Variants in PCSK2 observed in about 807,000 individuals in gnomAD.
The protein encoded by PCSK2 is proprotein convertase subtilisin/kexin type 2, also known as neuroendocrine convertase 2.
A neutral mutation model predicts 69.7 loss-of-function variants in PCSK2; 14 were observed. The observed-to-expected ratio is 0.20, with a 90% CI of 0.13 to 0.31. The LOEUF (loss-of-function observed/expected upper bound fraction) is 0.31. PCSK2 is among the 10% of genes least tolerant of loss of function. The probability of loss-of-function intolerance (pLI) is 1.00; values close to 1 mark genes in which losing one functional copy is unlikely to be tolerated. For missense variants in PCSK2, 544 were observed against 842.5 expected, an observed-to-expected ratio of 0.65 and a Z score of 4.39; for synonymous variants, 307 against 320.7, an observed-to-expected ratio of 0.96 and a Z score of 0.46.
At chr20:17,399,902 G>A (rs2031596633) in intron 5 of PCSK2, among the ~76,000 whole-genome samples, 1 of 152,098 alleles carries the variant, frequency 6.6e-6, no homozygotes, top group Non-Finnish European at 1.5e-5. Flanking sequence ...ATTTCTATAA[G>A]GAACAACATA....
intron 5 of PCSK2, among the ~76,000 whole-genome samples, chr20:17,377,360 T>G (rs1449751962): frequency 6.6e-6 from 1 of 152,204 alleles, no homozygotes; most frequent in Non-Finnish European, 1.5e-5. Context: ...GGTGACTGTC[T>G]CTGAAGTGGG....
chr20:17,227,330 T>G lies in PCSK2; in HGVS notation c.25T>G (p.Trp9Gly), dbSNP rs751380207. Residue 9 changes from tryptophan to glycine, a missense_variant, in exon 1 of 12, where the codon TGG becomes GGG. Physicochemically the swap from Trp to Gly is radical, Grantham distance 184 (BLOSUM62 -2). This residue lies in a region of PCSK2 where 157 missense variants were observed against 155.0 expected (regional missense o/e 1.01). Transcript: ENST00000262545. MKGGCVSQ[W>G]KAAAGFLFCV... ...GATGAAGGGTGGTTGTGTCTCCCAG[T>G]GGAAGGCGGCCGCCGGGTTCCTCTT... 6.2e-7 allele frequency: 1 copy of G among 1,613,926 alleles called. No homozygotes were observed. Among genetic ancestry groups the G allele is most frequent in the Non-Finnish European group, 8.5e-7 (1 of 1,179,990 alleles).
At chr20:17,250,784 A>G (rs1986947126) in intron 1 of PCSK2, among the ~76,000 whole-genome samples, 1 of 152,028 alleles carries the variant, frequency 6.6e-6, no homozygotes, top group East Asian at 1.9e-4. Flanking sequence ...ACAACTCCAA[A>G]TTTTCTTTCT....
chr20:17,479,704 C>T (rs970804883), intron 11 of PCSK2, among the ~76,000 whole-genome samples: 3 of 146,892 alleles, frequency 2.0e-5, no homozygotes, highest in African/African-American at 7.5e-5. Context: ...GAGGCTGAGG[C>T]AGGAATGGCG....
intron 2 of PCSK2, among the ~76,000 whole-genome samples, chr20:17,351,340 C>A (rs2029978487): frequency 6.6e-6 from 1 of 152,196 alleles, no homozygotes; most frequent in Non-Finnish European, 1.5e-5. Flanking sequence ...TCCTCTCTAA[C>A]TTATTCTACA....
intron 5 of PCSK2, among the ~76,000 whole-genome samples, chr20:17,386,328 A>G (rs2031232354): frequency 6.6e-6 from 1 of 152,250 alleles, no homozygotes; most frequent in Admixed American, 6.5e-5. Context: ...GCCAAGAAGT[A>G]TAAGCAACCC....
intron 7 of PCSK2, among the ~76,000 whole-genome samples, chr20:17,435,584 G>A (rs1200155526): frequency 6.6e-6 from 1 of 152,176 alleles, no homozygotes; most frequent in African/African-American, 2.4e-5. Flanking sequence ...GTGAAATAGT[G>A]TCCTTCAGGC....
intron 11 of PCSK2, among the ~76,000 whole-genome samples, chr20:17,476,596 A>G (rs1364932793): frequency 1.3e-5 from 2 of 152,212 alleles, no homozygotes; most frequent in African/African-American, 2.4e-5. Context: ...CGTTATATAT[A>G]TGTGCATATA....
intron 2 of PCSK2, among the ~76,000 whole-genome samples, chr20:17,332,523 A>T (rs2123154060): frequency 6.6e-6 from 1 of 152,312 alleles, no homozygotes; most frequent in South Asian, 2.1e-4. Context: ...CATCAAGCAC[A>T]GCTTTCTCTA....
chr20:17,242,800 G>T (rs1336582065), intron 1 of PCSK2, among the ~76,000 whole-genome samples: 1 of 152,220 alleles, frequency 6.6e-6, no homozygotes, highest in Non-Finnish European at 1.5e-5. Context: ...TGCATGAAAA[G>T]CATCTGTTTA....
intron 11 of PCSK2, among the ~76,000 whole-genome samples, chr20:17,466,483 C>T (rs1391896493): frequency 6.6e-6 from 1 of 152,102 alleles, no homozygotes; most frequent in Non-Finnish European, 1.5e-5. Flanking sequence ...TGGATTTTGC[C>T]ACTTGGAGGG....
chr20:17,318,439 T>G (rs1004737643), intron 2 of PCSK2, among the ~76,000 whole-genome samples: 2 of 152,188 alleles, frequency 1.3e-5, no homozygotes, highest in African/African-American at 4.8e-5. Context: ...AAAATGATGT[T>G]TTTCATCATT....
intron 2 of PCSK2, among the ~76,000 whole-genome samples, chr20:17,294,012 C>T (rs943033845): frequency 6.6e-6 from 1 of 150,450 alleles, no homozygotes; most frequent in African/African-American, 2.4e-5. Context: ...TTTCGTTAGT[C>T]ATTTTTGGTA....
intron 5 of PCSK2, among the ~76,000 whole-genome samples, chr20:17,372,428 T>A (rs181839930): frequency 3.5e-5 from 5 of 142,790 alleles, no homozygotes; most frequent in South Asian, 2.2e-4. Flanking sequence ...AATAAATAAA[T>A]AAAAATAAAA....
chr20:17,275,084 C>CATATATATATATATATATATATAT (rs11474649), intron 2 of PCSK2, among the ~76,000 whole-genome samples: 1 of 141,550 alleles, frequency 7.1e-6, no homozygotes, highest in Non-Finnish European at 1.5e-5. Flanking sequence ...ATTATTTATA[C>CATATATATATATATATATATATAT]ATATATATAT....
At chr20:17,259,628 T>A (rs1487294565) in intron 1 of PCSK2, among the ~76,000 whole-genome samples, 1 of 152,192 alleles carries the variant, frequency 6.6e-6, no homozygotes, top group African/African-American at 2.4e-5. Flanking sequence ...TACTGTGACT[T>A]CTCTGACTGG....
intron 2 of PCSK2, among the ~76,000 whole-genome samples, chr20:17,330,561 G>A (rs1477581711): frequency 2.0e-5 from 3 of 152,116 alleles, no homozygotes; most frequent in East Asian, 3.9e-4. Context: ...AGGTTGCAGT[G>A]AGCCAAGATC....
intron 8 of PCSK2, among the ~76,000 whole-genome samples, chr20:17,439,158 T>C (rs180793591): frequency 1.2e-4 from 19 of 152,138 alleles, no homozygotes; most frequent in Admixed American, 1.2e-3. Context: ...TCTTTTGAGA[T>C]AGGGTCTCAC....
chr20:17,259,498 C>T (rs748470691), intron 1 of PCSK2, among the ~76,000 whole-genome samples: 27 of 152,134 alleles, frequency 1.8e-4, no homozygotes, highest in Non-Finnish European at 3.7e-4. Context: ...CACATCCAGG[C>T]CTCCAAACTC....
Sources: gnomAD v4.1 joint callset for allele counts (sites outside exome capture counted in the v4.1 genomes callset) on GRCh38, gnomAD v4.1.1 for gene constraint, gnomAD v4.1.1 regional missense constraint, MANE v1.5 for transcripts, NCBI Gene and HGNC (gene_info 2026-07-23, HGNC 2026-07-21) for gene names.